FANCC: variants seen among roughly 807,000 people sequenced by gnomAD.
The protein encoded by FANCC is FA complementation group C, also known as Fanconi anemia group C protein.
In FANCC, 55 loss-of-function variants were observed where a neutral mutation model predicts 71.3. The ratio of observed to expected loss-of-function variants is 0.77; its 90% CI spans 0.62 to 0.97. The LOEUF (loss-of-function observed/expected upper bound fraction) is 0.97, where lower values mean the gene tolerates loss of function less well. Among genes scored for constraint, FANCC ranks in the 50% least tolerant of loss-of-function variants. The probability of loss-of-function intolerance (pLI) is 0.00; values close to 1 mark genes in which losing one functional copy is unlikely to be tolerated. For synonymous variants in FANCC, 275 were observed against 244.9 expected (o/e 1.12, Z -1.15); for missense variants, 678 against 670.9 (o/e 1.01, Z -0.12).
intron 4 of FANCC, among the ~76,000 whole-genome samples, chr9:95,175,284 A>G (rs1274960776): frequency 6.7e-6 from 1 of 150,134 alleles, no homozygotes; most frequent in Non-Finnish European, 1.5e-5. Context: ...ACTCAGTAGA[A>G]GACGTTCATG....
intron 4 of FANCC, chr9:95,186,645 C>T (rs1826735096): frequency 6.6e-6 from 1 of 152,166 alleles, no homozygotes; most frequent in Admixed American, 6.5e-5. Flanking sequence ...TATAATTCCA[C>T]CTATGTGAAA....
intron 6 of FANCC, among the ~76,000 whole-genome samples, chr9:95,155,376 A>C: frequency 6.8e-6 from 1 of 146,076 alleles, no homozygotes; most frequent in East Asian, 2.1e-4. Flanking sequence ...GGAGGGAGGA[A>C]AAAGAAAATA....
intron 4 of FANCC, among the ~76,000 whole-genome samples, chr9:95,225,040 T>A (rs527866714): frequency 6.6e-6 from 1 of 152,278 alleles, no homozygotes; most frequent in African/African-American, 2.4e-5. Flanking sequence ...GGAACAATAG[T>A]CAAACTAAGA....
At chr9:95,291,967 A>AAAAAATATAT (rs1441757988) in intron 1 of FANCC, among the ~76,000 whole-genome samples, 30 of 50,414 alleles carry the variant, frequency 6.0e-4, no homozygotes, top group South Asian at 2.6e-3. Context: ...AAAAAAAAAA[A>AAAAAATATAT]ATATATATAT....
chr9:95,301,327 TCATAA>T (rs1325931440), intron 1 of FANCC, among the ~76,000 whole-genome samples: 1 of 152,190 alleles, frequency 6.6e-6, no homozygotes, highest in Non-Finnish European at 1.5e-5. Context: ...ATTTATAATA[TCATAA>T]CATTTTTGTA....
intron 1 of FANCC, among the ~76,000 whole-genome samples, chr9:95,301,722 T>C (rs1188743837): frequency 6.6e-6 from 1 of 152,116 alleles, no homozygotes; most frequent in African/African-American, 2.4e-5. Context: ...TTTGTTGTTG[T>C]TGCATTTTTT....
chr9:95,179,139 T>C lies in FANCC; in HGVS notation c.346-6992A>G, dbSNP rs534172101. ...CTACAGATAGCATATTGCACATGTGTTTTGATGTGTTCTTTCATCTAAGGT... is the reference window on the plus strand; with the variant it reads ...CTACAGATAGCATATTGCACATGTGCTTTGATGTGTTCTTTCATCTAAGGT... On this transcript the variant is annotated intron_variant, in intron 4 of 14. Coordinates refer to ENST00000289081, the MANE Select transcript of FANCC (RefSeq NM_000136.3). Among the ~76,000 whole-genome samples the C allele has an allele frequency of 6.6e-5, 10 of 152,334 alleles. No homozygotes were observed. In the South Asian group the frequency reaches 1.7e-3, roughly 25 times the overall value.
At chr9:95,298,708 C>T (rs1670790078) in intron 1 of FANCC, among the ~76,000 whole-genome samples, 2 of 152,220 alleles carry the variant, frequency 1.3e-5, no homozygotes, top group Admixed American at 6.5e-5. Flanking sequence ...CTGTCACTTC[C>T]AGGTTTAGTC....
intron 1 of FANCC, among the ~76,000 whole-genome samples, chr9:95,252,043 C>G (rs929678812): frequency 6.6e-6 from 1 of 151,570 alleles, no homozygotes; most frequent in Non-Finnish European, 1.5e-5. Flanking sequence ...TTTGGGAGGC[C>G]GAGGTGGATA....
chr9:95,240,185 G>A (rs1021481928), intron 4 of FANCC, among the ~76,000 whole-genome samples: 9 of 152,210 alleles, frequency 5.9e-5, no homozygotes, highest in African/African-American at 1.9e-4. Context: ...CTGTGCATAT[G>A]CTGGCTCAGG....
chr9:95,191,281 C>T (rs1197645323), intron 4 of FANCC, among the ~76,000 whole-genome samples: 1 of 149,708 alleles, frequency 6.7e-6, no homozygotes, highest in East Asian at 2.0e-4. Flanking sequence ...CCTCACAAGG[C>T]CCAGCCCAGC....
chr9:95,160,677 G>A (rs550929544), intron 6 of FANCC, among the ~76,000 whole-genome samples: 118 of 152,164 alleles, frequency 7.8e-4, no homozygotes, highest in Non-Finnish European at 1.4e-3. Flanking sequence ...ATGTTCTTCC[G>A]TTTGTTTGTG....
intron 1 of FANCC, among the ~76,000 whole-genome samples, chr9:95,316,583 G>A (rs4647356): frequency 6.6e-6 from 1 of 152,214 alleles, no homozygotes; most frequent in African/African-American, 2.4e-5. Context: ...TGGGGCACAA[G>A]TTAGAATAAA....
At chr9:95,165,001 T>C (rs964800093) in intron 6 of FANCC, among the ~76,000 whole-genome samples, 1 of 152,092 alleles carries the variant, frequency 6.6e-6, no homozygotes, top group Non-Finnish European at 1.5e-5. Context: ...ATTTCTTCAT[T>C]ATTCAGTCGT....
At chr9:95,309,122 C>CT (rs1366833295) in intron 1 of FANCC, among the ~76,000 whole-genome samples, 10 of 152,198 alleles carry the variant, frequency 6.6e-5, no homozygotes, top group Admixed American at 6.5e-4. Flanking sequence ...ACTCCTAAAA[C>CT]TGGCTGCATA....
intron 4 of FANCC, among the ~76,000 whole-genome samples, chr9:95,195,751 A>C (rs1441770389): frequency 6.6e-6 from 1 of 152,200 alleles, no homozygotes; most frequent in Non-Finnish European, 1.5e-5. Context: ...ATCACTAAAT[A>C]TCTCTCCATT....
At chr9:95,116,451 G>A (rs2072428744) in intron 11 of FANCC, among the ~76,000 whole-genome samples, 1 of 152,210 alleles carries the variant, frequency 6.6e-6, no homozygotes, top group Admixed American at 6.5e-5. Context: ...AAAATGCTCT[G>A]AAACTTTGAA....
intron 7 of FANCC, chr9:95,142,455 C>T (rs2135317115): frequency 6.6e-6 from 1 of 152,396 alleles, no homozygotes; most frequent in Non-Finnish European, 1.5e-5. Context: ...TTAAAGCCTA[C>T]AGCACCCGCT....
chr9:95,149,330 TG>T (rs1057170574), intron 7 of FANCC, among the ~76,000 whole-genome samples: 1 of 152,080 alleles, frequency 6.6e-6, no homozygotes, highest in Non-Finnish European at 1.5e-5. Context: ...AGGTAACTAC[TG>T]GGGACTGAGC....
Sources: allele counts gnomAD v4.1 joint callset (sites outside exome capture counted in the v4.1 genomes callset), GRCh38; gene constraint gnomAD v4.1.1; transcripts MANE v1.5; gene names NCBI Gene and HGNC (gene_info 2026-07-23, HGNC 2026-07-21).